The following ERI3 variants were observed in gnomAD, a reference collection of about 807,000 sequenced individuals.
The protein encoded by ERI3 is ERI1 exoribonuclease family member 3, also known as ERI1 exoribonuclease 3.
Under a neutral mutation model 44.4 loss-of-function variants are expected in ERI3, and 18 were observed. That is an observed-to-expected ratio of 0.41 (90% CI 0.28 to 0.60). The LOEUF is 0.60. Ranked by LOEUF, ERI3 falls within the 20% of genes least tolerant of loss-of-function variation. The pLI is 0.36. For synonymous variants in ERI3, 183 were observed against 164.8 expected, an observed-to-expected ratio of 1.11 and a Z score of -0.84; for missense variants, 294 against 435.5, an observed-to-expected ratio of 0.68 and a Z score of 2.89.
At position 44,337,815 on chromosome 1, in the gene ERI3, A is replaced by G. The variant is rs964483653; in HGVS notation, c.489+1230T>C. 4.6e-5 allele frequency among the ~76,000 whole-genome samples: 7 copies of G among 151,402 alleles called. No homozygotes were observed. In the South Asian group the frequency reaches 8.3e-4, roughly 18 times the overall value. ...CCCAGTTTATCTTTAAATGGACCAC[A>G]CTCCTCCCTACCTTCGAAGTGCCCG... On this transcript the variant is annotated intron_variant, in intron 3 of 8. Coordinates refer to ENST00000372257, the MANE Select transcript of ERI3 (RefSeq NM_024066.3).
chr1:44,285,119 G>A (rs1394657171), intron 6 of ERI3, among the ~76,000 whole-genome samples: 9 of 152,204 alleles, frequency 5.9e-5, no homozygotes, highest in African/African-American at 2.2e-4. Flanking sequence ...CCAAGTGTGA[G>A]AGCCCAAAAA....
chr1:44,237,153 G>A (rs912772726), intron 8 of ERI3, among the ~76,000 whole-genome samples: 14 of 152,158 alleles, frequency 9.2e-5, no homozygotes, highest in Non-Finnish European at 4.4e-5. Context: ...AACAGGGCTG[G>A]ATCTGGCACC....
At chr1:44,288,935 T>C (rs1486355577) in intron 6 of ERI3, among the ~76,000 whole-genome samples, 1 of 152,134 alleles carries the variant, frequency 6.6e-6, no homozygotes, top group East Asian at 1.9e-4. Flanking sequence ...CCACTGGCAG[T>C]GGGCCCTGGA....
At chr1:44,288,755 G>A (rs1645443716) in intron 6 of ERI3, among the ~76,000 whole-genome samples, 1 of 152,128 alleles carries the variant, frequency 6.6e-6, no homozygotes, top group Non-Finnish European at 1.5e-5. Flanking sequence ...GTAGCATAGT[G>A]GTCACTGCTC....
intron 7 of ERI3, among the ~76,000 whole-genome samples, chr1:44,269,340 T>C (rs1645047307): frequency 6.6e-6 from 1 of 152,174 alleles, no homozygotes; most frequent in Non-Finnish European, 1.5e-5. Context: ...TAGCGTCAAG[T>C]TCAGTCCAGA....
chr1:44,282,443 G>C (rs3850118), intron 7 of ERI3, among the ~76,000 whole-genome samples: 4,927 of 152,276 alleles, frequency 0.032, 100 homozygotes, highest in Middle Eastern at 0.044. Context: ...GGGGACACAA[G>C]GCATGGAGTA....
At chr1:44,222,343 C>A (rs900451116) in intron 8 of ERI3, among the ~76,000 whole-genome samples, 1 of 152,242 alleles carries the variant, frequency 6.6e-6, no homozygotes, top group African/African-American at 2.4e-5. Context: ...CAGCCGTCTA[C>A]CAAACCCTCC....
intron 2 of ERI3, among the ~76,000 whole-genome samples, chr1:44,349,520 G>A (rs886656987): frequency 1.3e-5 from 2 of 152,150 alleles, no homozygotes; most frequent in Non-Finnish European, 2.9e-5. Context: ...GAAAAGCAGT[G>A]CCTTGCTTTA....
chr1:44,259,007 G>A (rs1644832780), intron 7 of ERI3, among the ~76,000 whole-genome samples: 1 of 152,114 alleles, frequency 6.6e-6, no homozygotes, highest in Admixed American at 6.5e-5. Context: ...ATGATGGAGA[G>A]TGCACGCTTT....
chr1:44,286,380 T>C (rs758040070), intron 6 of ERI3, among the ~76,000 whole-genome samples: 21 of 152,142 alleles, frequency 1.4e-4, no homozygotes, highest in Admixed American at 3.9e-4. Flanking sequence ...TTGAGGCACC[T>C]AGGAGATATC....
chr1:44,352,508 G>A (rs1310341181), intron 2 of ERI3, among the ~76,000 whole-genome samples: 1 of 152,140 alleles, frequency 6.6e-6, no homozygotes, highest in Non-Finnish European at 1.5e-5. Context: ...ATTTTCTTAA[G>A]ATGTGTATTT....
chr1:44,262,050 G>A (rs992636221), intron 7 of ERI3, among the ~76,000 whole-genome samples: 5 of 152,184 alleles, frequency 3.3e-5, no homozygotes, highest in Non-Finnish European at 7.3e-5. Flanking sequence ...TCCAGACAGT[G>A]CAATCCAAGG....
chr1:44,244,473 G>C (rs190121787), intron 8 of ERI3, among the ~76,000 whole-genome samples: 21 of 152,294 alleles, frequency 1.4e-4, no homozygotes, highest in African/African-American at 5.1e-4. Context: ...TGTGGTGACA[G>C]AGCACTGTGT....
chr1:44,242,043 C>A, intron 8 of ERI3: 1 of 985,728 alleles, frequency 1.0e-6, no homozygotes, highest in Non-Finnish European at 1.2e-6. Flanking sequence ...AGCCAGCACC[C>A]TCTCCCCAGG....
chr1:44,332,547 C>T (rs959237779), intron 3 of ERI3, among the ~76,000 whole-genome samples: 20 of 152,164 alleles, frequency 1.3e-4, no homozygotes, highest in African/African-American at 4.3e-4. Context: ...GCAAATAAAC[C>T]GCTTCGATCC....
intron 7 of ERI3, among the ~76,000 whole-genome samples, chr1:44,260,913 T>C (rs889428831): frequency 2.6e-5 from 4 of 152,172 alleles, no homozygotes; most frequent in African/African-American, 9.7e-5. Flanking sequence ...CACCCTGACC[T>C]CCACACCCAT....
chr1:44,287,314 A>G (rs1302939076), intron 6 of ERI3, among the ~76,000 whole-genome samples: 2 of 152,246 alleles, frequency 1.3e-5, no homozygotes, highest in Non-Finnish European at 2.9e-5. Flanking sequence ...TTTTCTAGAA[A>G]GTTTGGCTAC....
At chr1:44,245,380 A>G (rs577145884) in intron 8 of ERI3, among the ~76,000 whole-genome samples, 1 of 152,272 alleles carries the variant, frequency 6.6e-6, no homozygotes, top group East Asian at 1.9e-4. Flanking sequence ...AAGTGTCAAG[A>G]AGCCCAGTGT....
intron 7 of ERI3, among the ~76,000 whole-genome samples, chr1:44,279,735 C>G (rs1295490606): frequency 6.6e-6 from 1 of 152,210 alleles, no homozygotes; most frequent in East Asian, 1.9e-4. Flanking sequence ...CTGGGGTCAT[C>G]ATGGTCTCTT....
Sources: allele counts gnomAD v4.1 joint callset (sites outside exome capture counted in the v4.1 genomes callset), GRCh38; gene constraint gnomAD v4.1.1; transcripts MANE v1.5; gene names NCBI Gene and HGNC (gene_info 2026-07-23, HGNC 2026-07-21).